MMP24: variants seen among roughly 807,000 people sequenced by gnomAD.
The protein encoded by MMP24 is matrix metalloproteinase-24.
Under a neutral mutation model 62.8 loss-of-function variants are expected in MMP24, and 25 were observed. That is an observed-to-expected ratio of 0.40 (90% CI 0.29 to 0.56). MMP24 has a LOEUF of 0.56. Among genes scored for constraint, MMP24 ranks in the 20% least tolerant of loss-of-function variants. The pLI is 0.50. For synonymous variants in MMP24, 319 were observed against 350.5 expected (o/e 0.91, Z 1.00); for missense variants, 634 against 853.6 (o/e 0.74, Z 3.21).
chr20:35,267,627 A>T (rs2060643065), intron 6 of MMP24, among the ~76,000 whole-genome samples: 1 of 152,182 alleles, frequency 6.6e-6, no homozygotes, highest in Non-Finnish European at 1.5e-5. Context: ...AAGATGGGTG[A>T]TCCCTCACCT....
rs182523706 is a variant in MMP24, at chr20:35,240,273, A to G, written c.247-6567A>G. On this transcript the variant is annotated intron_variant, in intron 1 of 8. Coordinates refer to ENST00000246186, the MANE Select transcript of MMP24 (RefSeq NM_006690.4). ...CGGGACTTCTCAGCTTTGGCTTCTC[A>G]GGAACCCAAATCCTGCCTTCTGGCC... 4.6e-5 allele frequency among the ~76,000 whole-genome samples: 7 copies of G among 152,192 alleles called. No individual in the cohort carries two copies. The East Asian group carries it at 1.4e-3, about 29-fold the overall frequency.
intron 5 of MMP24, among the ~76,000 whole-genome samples, chr20:35,266,229 G>A (rs1189438912): frequency 2.1e-5 from 3 of 144,900 alleles, no homozygotes; most frequent in Admixed American, 7.1e-5. Flanking sequence ...GTACGTGCCT[G>A]TAGTCCCAGC....
intron 1 of MMP24, among the ~76,000 whole-genome samples, chr20:35,238,517 G>A (rs1293649854): frequency 6.6e-6 from 1 of 152,152 alleles, no homozygotes; most frequent in African/African-American, 2.4e-5. Context: ...TAAGGGCCTG[G>A]GAGAACTGGA....
intron 3 of MMP24, among the ~76,000 whole-genome samples, chr20:35,253,775 T>C (rs2146218843): frequency 6.6e-6 from 1 of 152,324 alleles, no homozygotes; most frequent in South Asian, 2.1e-4. Flanking sequence ...TCTCTATTAT[T>C]TGAATATTTT....
intron 1 of MMP24, among the ~76,000 whole-genome samples, chr20:35,242,866 T>A (rs564163983): frequency 1.3e-5 from 2 of 152,228 alleles, no homozygotes; most frequent in African/African-American, 4.8e-5. Context: ...GAGGGCAGGA[T>A]GGCTAGATTT....
intron 1 of MMP24, among the ~76,000 whole-genome samples, chr20:35,234,197 T>A (rs2146200736): frequency 6.6e-6 from 1 of 152,272 alleles, no homozygotes; most frequent in East Asian, 1.9e-4. Flanking sequence ...TTCTCAGCCT[T>A]CACCTAGCCT....
chr20:35,246,112 G>A (rs996556603), intron 1 of MMP24, among the ~76,000 whole-genome samples: 1 of 151,924 alleles, frequency 6.6e-6, no homozygotes, highest in African/African-American at 2.4e-5. Context: ...CAGACACGGT[G>A]GATTTCTGGG....
chr20:35,269,083 T>C lies in MMP24; in HGVS notation c.1195-677T>C, dbSNP rs150688886. ...TGGAGGCTACAGGCCTTGCCTAGACTGCTTGTGTACCAGCCCAAGACTGAG... is the reference window on the plus strand; with the variant it reads ...TGGAGGCTACAGGCCTTGCCTAGACCGCTTGTGTACCAGCCCAAGACTGAG... On this transcript the variant is annotated intron_variant, in intron 6 of 8. Transcript: ENST00000246186. This position sits in a 1 kb window ranked among gnomAD's most constrained non-coding sequence, Gnocchi z 4.6. 3.0e-4 allele frequency among the ~76,000 whole-genome samples: 46 copies of C among 151,786 alleles called. No homozygotes were observed. Among genetic ancestry groups the C allele is most frequent in the African/African-American group, 1.1e-3 (45 of 41,380 alleles).
At chr20:35,242,905 C>T (rs1171362980) in intron 1 of MMP24, among the ~76,000 whole-genome samples, 3 of 152,224 alleles carry the variant, frequency 2.0e-5, no homozygotes, top group South Asian at 2.1e-4. Flanking sequence ...TGGCCAGGCA[C>T]GGTGGCTCAT....
At chr20:35,252,120 G>A in intron 3 of MMP24, 99 bp downstream of exon 3, 1 of 987,064 alleles carries the variant, frequency 1.0e-6, no homozygotes, top group Non-Finnish European at 1.6e-6. Context: ...GGGGGCCTGG[G>A]GATCAGGCTT....
In MMP24 at chr20:35,254,268, C is replaced by G. The variant is rs78529067; in HGVS notation, c.513-182C>G. Reference sequence around the variant, plus strand: ...CACTGAGTAAAGCAAAGCCATCTGACTGAGGCAGGGTGGGGATCCAGAGCT... The same window carrying G: ...CACTGAGTAAAGCAAAGCCATCTGAGTGAGGCAGGGTGGGGATCCAGAGCT... On this transcript the variant is annotated intron_variant, in intron 3 of 8. Coordinates refer to ENST00000246186, the MANE Select transcript of MMP24 (RefSeq NM_006690.4). 4.0e-3 allele frequency among the ~76,000 whole-genome samples: 604 copies of G among 152,334 alleles called. 2 individuals carry two copies. Among genetic ancestry groups the G allele is most frequent in the African/African-American group, 0.013 (547 of 41,580 alleles).
At chr20:35,245,489 C>T (rs2060509848) in intron 1 of MMP24, among the ~76,000 whole-genome samples, 1 of 151,556 alleles carries the variant, frequency 6.6e-6, no homozygotes, top group African/African-American at 2.4e-5. Context: ...TGCTCTGTCA[C>T]CCAGGCTGGA....
chr20:35,272,236 T>A (rs11907632), intron 8 of MMP24: 13,298 of 415,116 alleles, frequency 0.032, 815 homozygotes, highest in African/African-American at 0.17. Flanking sequence ...TCAAAAAAAA[T>A]TTTTTTTTAA....
chr20:35,246,769 G>A, intron 1 of MMP24, 71 bp from the exon 2 acceptor site: 2 of 1,559,132 alleles, frequency 1.3e-6, no homozygotes, highest in South Asian at 2.2e-5. Context: ...CGTGTTCAAG[G>A]CACATCTCTG....
intron 1 of MMP24, among the ~76,000 whole-genome samples, chr20:35,238,364 T>C (rs1371000029): frequency 6.6e-6 from 1 of 152,146 alleles, no homozygotes; most frequent in Non-Finnish European, 1.5e-5. Flanking sequence ...GTGGTTACAA[T>C]ACAGTGTGGT....
chr20:35,260,090 G>A (rs537695389), intron 4 of MMP24, among the ~76,000 whole-genome samples: 1 of 152,300 alleles, frequency 6.6e-6, no homozygotes, highest in South Asian at 2.1e-4. Context: ...CCCTCTTGAA[G>A]AGTGAAGACC....
At chr20:35,268,875 A>G (rs2060651126) in intron 6 of MMP24, among the ~76,000 whole-genome samples, 1 of 152,242 alleles carries the variant, frequency 6.6e-6, no homozygotes, top group Middle Eastern at 3.4e-3. Flanking sequence ...AAAATATAAA[A>G]AATTAGCCGG....
Position 35,267,260 on chromosome 20 carries a change from C to T in MMP24, c.1035C>T (p.Arg345=), listed in dbSNP as rs1447600614. The T allele has an allele frequency of 1.2e-6, 2 of 1,606,798 alleles. No individual in the cohort carries two copies. Among genetic ancestry groups the T allele is most frequent in the African/African-American group, 2.7e-5 (2 of 74,838 alleles). Residue 345 remains arginine (R), a synonymous_variant, in exon 6 of 9, where the codon CGC becomes CGT. Transcript: ENST00000246186. ...PTRPLPTLPV[R]RIHSPSERKH... is the part of the protein sequence containing the mutation. Reference sequence around the variant, plus strand: ...GGCCACTCCCTACACTCCCCGTCCGCAGGATCCACTCACCATCGGAGAGGA... The same window carrying T: ...GGCCACTCCCTACACTCCCCGTCCGTAGGATCCACTCACCATCGGAGAGGA...
intron 4 of MMP24, among the ~76,000 whole-genome samples, chr20:35,261,888 C>G (rs571684785): frequency 6.6e-5 from 10 of 151,586 alleles, no homozygotes; most frequent in Admixed American, 2.0e-4. Context: ...GCAACCTCCA[C>G]CTCCCAGGAT....
Sources: gnomAD v4.1 joint callset for allele counts (sites outside exome capture counted in the v4.1 genomes callset) on GRCh38, gnomAD v4.1.1 for gene constraint, Gnocchi (gnomAD v3.1) non-coding constraint, MANE v1.5 for transcripts, NCBI Gene and HGNC (gene_info 2026-07-23, HGNC 2026-07-21) for gene names.